SPAG16: variants seen among roughly 807,000 people sequenced by gnomAD.
SPAG16 encodes sperm associated antigen 16.
In SPAG16, 86 loss-of-function variants were observed where a neutral mutation model predicts 80.4. That is an observed-to-expected ratio of 1.07 (90% CI 0.90 to 1.28). The LOEUF is 1.28. Ranked by LOEUF, SPAG16 falls within the 50% of genes most tolerant of loss-of-function variation. The probability of loss-of-function intolerance (pLI) is 0.00; values close to 1 mark genes in which losing one functional copy is unlikely to be tolerated. For missense variants in SPAG16, 870 were observed against 765.3 expected, an observed-to-expected ratio of 1.14 and a Z score of -1.61; for synonymous variants, 294 against 265.9, an observed-to-expected ratio of 1.11 and a Z score of -1.03.
At chr2:213,322,165 A>G (rs1385169259) in intron 5 of SPAG16, among the ~76,000 whole-genome samples, 1 of 151,532 alleles carries the variant, frequency 6.6e-6, no homozygotes, top group Non-Finnish European at 1.5e-5. Context: ...TAGACACTAT[A>G]TTCATTCATA....
At chr2:213,904,032 T>C (rs2077330940) in intron 11 of SPAG16, among the ~76,000 whole-genome samples, 1 of 152,182 alleles carries the variant, frequency 6.6e-6, no homozygotes. Context: ...AACCTTATTG[T>C]CCATATCACT....
In SPAG16 at chr2:213,444,148, G is replaced by A. The variant is rs568623625; in HGVS notation, c.943-45815G>A. On this transcript the variant is annotated intron_variant, in intron 9 of 15. Coordinates refer to ENST00000331683, the MANE Select transcript of SPAG16 (RefSeq NM_024532.5). Reference sequence around the variant, plus strand: ...CGCTGAATCATTTTCTGTTTTCAGAGTCAGGTGAATTAAGGGCTCAACTCT... The same window carrying A: ...CGCTGAATCATTTTCTGTTTTCAGAATCAGGTGAATTAAGGGCTCAACTCT... 1.5e-3 allele frequency among the ~76,000 whole-genome samples: 235 copies of A among 152,298 alleles called. 1 individual carries two copies. Among genetic ancestry groups the A allele is most frequent in the African/African-American group, 5.4e-3 (223 of 41,546 alleles).
Position 213,490,021 on chromosome 2 carries a change from G to C in SPAG16, c.1001G>C (p.Ser334Thr), listed in dbSNP as rs1306460670. The change falls in exon 10 of 16, where the codon AGT becomes ACT. Residue 334 changes from serine (S) to threonine (T), a missense_variant. Physicochemically the swap from Ser to Thr is moderately conservative, Grantham distance 58 (BLOSUM62 1). Coordinates refer to ENST00000331683, the MANE Select transcript of SPAG16 (RefSeq NM_024532.5). ...PNPNLNVSKESLSPAKFDYKL... is the reference protein window; with the variant it reads ...PNPNLNVSKETLSPAKFDYKL... The stretch of plus-strand genomic sequence containing the variant: ...CCAAACCTGAATGTTTCTAAAGAAA[G>C]TCTTTCTCCAGCAAAATTTGACTAC... The C allele has an allele frequency of 1.2e-6, 2 of 1,610,656 alleles. No individual in the cohort carries two copies. Among genetic ancestry groups the C allele is most frequent in the Non-Finnish European group, 1.7e-6 (2 of 1,178,458 alleles).
intron 10 of SPAG16, among the ~76,000 whole-genome samples, chr2:213,644,475 T>G (rs2062745025): frequency 6.6e-6 from 1 of 152,166 alleles, no homozygotes; most frequent in African/African-American, 2.4e-5. Flanking sequence ...TGGGCTTAGT[T>G]GTAGACATCC....
intron 10 of SPAG16, among the ~76,000 whole-genome samples, chr2:213,742,729 T>G (rs1415731220): frequency 6.6e-6 from 1 of 150,880 alleles, no homozygotes; most frequent in Non-Finnish European, 1.5e-5. Flanking sequence ...TTTTTGTATT[T>G]TTTAGTACAG....
chr2:213,881,600 G>T (rs959438599), intron 11 of SPAG16, among the ~76,000 whole-genome samples: 2 of 152,132 alleles, frequency 1.3e-5, no homozygotes, highest in African/African-American at 4.8e-5. Context: ...GGGGAACAAG[G>T]CACCTTCTCC....
chr2:213,589,079 A>T (rs1049648616), intron 10 of SPAG16, among the ~76,000 whole-genome samples: 1 of 152,138 alleles, frequency 6.6e-6, no homozygotes, highest in African/African-American at 2.4e-5. Flanking sequence ...CATAAGCAAA[A>T]AGTATAGTAA....
At chr2:213,324,542 G>A (rs532864582) in intron 5 of SPAG16, among the ~76,000 whole-genome samples, 5 of 152,148 alleles carry the variant, frequency 3.3e-5, no homozygotes, top group East Asian at 3.9e-4. Context: ...CTTATACTCA[G>A]CATAAAGTCT....
intron 15 of SPAG16, among the ~76,000 whole-genome samples, chr2:214,190,129 TAC>T (rs2057613659): frequency 6.6e-6 from 1 of 152,128 alleles, no homozygotes; most frequent in African/African-American, 2.4e-5. Flanking sequence ...TGTCACTCTC[TAC>T]ACAGTCATAC....
chr2:213,552,216 A>T (rs2125948366), intron 10 of SPAG16, among the ~76,000 whole-genome samples: 1 of 152,304 alleles, frequency 6.6e-6, no homozygotes, highest in African/African-American at 2.4e-5. Flanking sequence ...GCTTTAGTAT[A>T]CAGACACTCT....
In SPAG16 at chr2:213,579,423, T is replaced by C. The variant is rs1448541574; in HGVS notation, c.1070+89333T>C. 2.0e-5 allele frequency among the ~76,000 whole-genome samples: 3 copies of C among 152,140 alleles called. No individual in the cohort carries two copies. In the East Asian group the frequency reaches 5.8e-4, roughly 29 times the overall value. ...TTTATAACAATAGTTACTTCTAATA[T>C]ATACTTTGATATTGGTCTTATTAAA... On this transcript the variant is annotated intron_variant, in intron 10 of 15. Coordinates refer to ENST00000331683, the MANE Select transcript of SPAG16 (RefSeq NM_024532.5).
chr2:214,400,127 C>T (rs1205991197), intron 15 of SPAG16, among the ~76,000 whole-genome samples: 1 of 152,040 alleles, frequency 6.6e-6, no homozygotes, highest in Non-Finnish European at 1.5e-5. Context: ...GGTTCAAGAT[C>T]ATCATTCATG....
chr2:214,065,256 T>C (rs1035614737), intron 13 of SPAG16, among the ~76,000 whole-genome samples: 5 of 152,108 alleles, frequency 3.3e-5, no homozygotes, highest in African/African-American at 1.2e-4. Context: ...TGAAAATAAT[T>C]CTTCTGATCA....
chr2:213,565,726 G>C (rs891702766), intron 10 of SPAG16, among the ~76,000 whole-genome samples: 1 of 152,220 alleles, frequency 6.6e-6, no homozygotes, highest in Non-Finnish European at 1.5e-5. Context: ...GAAGGGCTAG[G>C]AGTTAAGAAT....
chr2:213,647,621 C>A (rs941058901), intron 10 of SPAG16, among the ~76,000 whole-genome samples: 2 of 151,866 alleles, frequency 1.3e-5, no homozygotes, highest in South Asian at 4.1e-4. Flanking sequence ...TTTGTAGTCT[C>A]CCAGCCTCAG....
At chr2:213,792,576 CTTTTTT>C (rs11372174) in intron 10 of SPAG16, among the ~76,000 whole-genome samples, 3 of 78,250 alleles carry the variant, frequency 3.8e-5, no homozygotes, top group Non-Finnish European at 7.0e-5. Context: ...AAATGAGTAT[CTTTTTT>C]TTTTTTTTTT....
At chr2:213,400,979 T>G (rs1303190689) in intron 9 of SPAG16, among the ~76,000 whole-genome samples, 2 of 152,086 alleles carry the variant, frequency 1.3e-5, no homozygotes, top group Non-Finnish European at 2.9e-5. Context: ...GGCTAATTTT[T>G]ATATTTTTTT....
intron 13 of SPAG16, among the ~76,000 whole-genome samples, chr2:214,060,649 G>A (rs1407330590): frequency 6.6e-6 from 1 of 151,950 alleles, no homozygotes; most frequent in Non-Finnish European, 1.5e-5. Context: ...GTTCTTGATT[G>A]GAATATTTAG....
chr2:214,135,946 T>C (rs1184360798), intron 14 of SPAG16, among the ~76,000 whole-genome samples: 6 of 152,266 alleles, frequency 3.9e-5, no homozygotes, highest in Non-Finnish European at 8.8e-5. Flanking sequence ...CAGTTCTGCA[T>C]GTTATACAAG....
Sources: gnomAD v4.1 joint callset for allele counts (sites outside exome capture counted in the v4.1 genomes callset) on GRCh38, gnomAD v4.1.1 for gene constraint, MANE v1.5 for transcripts, NCBI Gene and HGNC (gene_info 2026-07-23, HGNC 2026-07-21) for gene names.